The following PNN variants were observed in gnomAD, a reference collection of about 807,000 sequenced individuals.
The protein encoded by PNN is pinin.
A neutral mutation model predicts 76.6 loss-of-function variants in PNN; 38 were observed. That is an observed-to-expected ratio of 0.50 (90% CI 0.38 to 0.65). The LOEUF is 0.65. PNN is among the 30% of genes least tolerant of loss of function. The probability of loss-of-function intolerance (pLI) is 0.00; values close to 1 mark genes in which losing one functional copy is unlikely to be tolerated. For synonymous variants in PNN, 366 were observed against 283.7 expected, an observed-to-expected ratio of 1.29 and a Z score of -2.91; for missense variants, 873 against 874.1, an observed-to-expected ratio of 1.00 and a Z score of 0.02.
intron 2 of PNN, 170 bp downstream of exon 2, chr14:39,176,319 T>C: frequency 4.8e-6 from 3 of 630,720 alleles, no homozygotes; most frequent in Non-Finnish European, 8.4e-6. Context: ...CCTGAAAAAC[T>C]GGAGGTTGAA....
intron 1 of PNN, chr14:39,175,679 G>A: frequency 2.0e-6 from 1 of 487,996 alleles, no homozygotes; most frequent in Non-Finnish European, 3.6e-6. Context: ...TCTCGGCCCT[G>A]CAGGCCCGGA....
intron 1 of PNN, chr14:39,175,788 C>T (rs17108939): frequency 0.012 from 5,674 of 480,906 alleles, 269 homozygotes; most frequent in African/African-American, 0.1. Flanking sequence ...CCCCAGCTTC[C>T]TGTCCACGTG....
At position 39,175,260 on chromosome 14, in the gene PNN, A is replaced by C. The variant is rs2053209666; in HGVS notation, c.-20A>C. ...CCGGCTCGGCCTGTAAAGCAGTCTC[A>C]AGCCTGCCGCAGGGAGAAGATGGCG... is the stretch of plus-strand genomic sequence containing the variant. On this transcript the variant is annotated 5_prime_UTR_variant, in exon 1 of 9. Transcript: ENST00000216832. The C allele has an allele frequency of 2.6e-6, 4 of 1,510,164 alleles. No individual in the cohort carries two copies. Among genetic ancestry groups the C allele is most frequent in the Non-Finnish European group, 3.7e-6 (4 of 1,091,842 alleles). 93.5% of individuals were successfully genotyped at this position (1,510,164 alleles called of 1,614,324 possible). A position where few individuals can be genotyped will look rare whatever the true frequency, so the allele number is the denominator to read the frequency against.
chr14:39,177,329 T>C (rs897559856), intron 3 of PNN, 83 bp from the exon 4 acceptor site: 3 of 1,105,424 alleles, frequency 2.7e-6, no homozygotes, highest in African/African-American at 3.1e-5. Flanking sequence ...GAGGCTGCAG[T>C]GAACCGTGGT....
chr14:39,181,852 A>T lies in PNN; in HGVS notation c.2143A>T (p.Lys715Ter). 6.3e-7 allele frequency: 1 copy of T among 1,583,920 alleles called. No homozygotes were observed. The highest frequency in any genetic ancestry group is 8.5e-7 in the Non-Finnish European group (1 of 1,170,670). Residue 715 changes from lysine (K) to a stop codon, truncating the protein, a stop_gained, in exon 9 of 9, where the codon AAA becomes TAA. Coordinates refer to ENST00000216832, the MANE Select transcript of PNN (RefSeq NM_002687.4). LOFTEE classifies it high-confidence loss of function. ...ERDRKSDRKD[K>*]RR ...AGACCGAAAATCAGACAGGAAAGAC[A>T]AAAGGCGTTAATGGAAGAAGCCAGG...
intron 2 of PNN, 148 bp from the exon 3 acceptor site, chr14:39,176,379 A>G: frequency 1.5e-6 from 1 of 661,418 alleles, no homozygotes; most frequent in Non-Finnish European, 2.6e-6. Flanking sequence ...TTATAAAGTA[A>G]CACTATAAAA....
rs751478710 is a variant in PNN, at chr14:39,175,274, G to C, written c.-6G>C. 1 of 1,574,908 alleles carries C rather than the reference G, an allele frequency of 6.3e-7. No individual in the cohort carries two copies. The highest frequency in any genetic ancestry group is 8.7e-7 in the Non-Finnish European group (1 of 1,148,500). ...AAAGCAGTCTCAAGCCTGCCGCAGG[G>C]AGAAGATGGCGGTCGCCGTGAGAAC... On this transcript the variant is annotated 5_prime_UTR_variant, in exon 1 of 9. Coordinates refer to ENST00000216832, the MANE Select transcript of PNN (RefSeq NM_002687.4).
Position 39,176,160 on chromosome 14 carries a change from CT to C in PNN, c.185+14del. 1 of 1,505,232 alleles carries C rather than the reference CT, an allele frequency of 6.6e-7. No individual in the cohort carries two copies. The highest frequency in any genetic ancestry group is 9.2e-7 in the Non-Finnish European group (1 of 1,081,190). The allele number at this position is 1,505,232 out of a possible 1,614,324, so 93.2% of individuals were successfully genotyped here. Reference sequence around the variant, plus strand: ...TAGTTTATTACTGAGGTAAGATTTCCTTTGGACTTTACTCATGCTGAAACTA... The same window carrying C: ...TAGTTTATTACTGAGGTAAGATTTCCTTGGACTTTACTCATGCTGAAACTA... On this transcript the variant is annotated intron_variant, in intron 2 of 8. Coordinates refer to ENST00000216832, the MANE Select transcript of PNN (RefSeq NM_002687.4).
chr14:39,180,881 A>G lies in PNN; in HGVS notation c.1172A>G (p.Glu391Gly). 1 of 1,614,206 alleles carries G rather than the reference A, an allele frequency of 6.2e-7. No homozygotes were observed. The highest frequency in any genetic ancestry group is 8.5e-7 in the Non-Finnish European group (1 of 1,180,024). ...SQPEEVMDVL[E>G]MVENVKHVIA... Reference sequence around the variant, plus strand: ...CCTGAAGAAGTTATGGATGTGCTAGAGATGGTTGAGAATGTCAAACATGTA... The same window carrying G: ...CCTGAAGAAGTTATGGATGTGCTAGGGATGGTTGAGAATGTCAAACATGTA... Residue 391 changes from glutamate to glycine, a missense_variant, in exon 9 of 9, where the codon GAG (glutamate) becomes GGG (glycine). Glu to Gly is a moderately conservative substitution (Grantham distance 98). Coordinates refer to ENST00000216832, the MANE Select transcript of PNN (RefSeq NM_002687.4).
chr14:39,180,514 G>C lies in PNN; in HGVS notation c.805G>C (p.Gly269Arg). ...SQRKMNALFE[G>R]RRIEFAEQIN... ...TTTTTATTCTTTAGCTTTATTTGAA[G>C]GTAGACGCATCGAATTTGCAGAACA... The change falls in exon 9 of 9, where the codon GGT becomes CGT. Residue 269 changes from glycine to arginine, a missense_variant. Gly to Arg is a moderately radical substitution (Grantham distance 125). This residue lies in a region of PNN where 712 missense variants were observed against 693.1 expected (regional missense o/e 1.03). Coordinates refer to ENST00000216832, the MANE Select transcript of PNN (RefSeq NM_002687.4). The C allele has an allele frequency of 6.3e-7, 1 of 1,582,454 alleles. No individual in the cohort carries two copies. Among genetic ancestry groups the C allele is most frequent in the Middle Eastern group, 1.7e-4 (1 of 5,920 alleles).
chr14:39,177,982 T>G, intron 6 of PNN, 66 bp downstream of exon 6: 1 of 1,075,854 alleles, frequency 9.3e-7, no homozygotes, highest in Non-Finnish European at 1.4e-6. Flanking sequence ...TAATGTTTTT[T>G]TTAAAAAATC....
In PNN at chr14:39,179,133, G is replaced by A; in HGVS notation, c.541G>A (p.Ala181Thr). The part of the protein sequence containing the change: ...QEIEQKLEVQ[A>T]EEERKQVENE... ...AATTGAACAAAAACTTGAAGTTCAG[G>A]CAGAAGAAGAGAGAAAGCAGGTTGA... The change falls in exon 7 of 9, where the codon GCA (alanine) becomes ACA (threonine). Residue 181 changes from alanine to threonine, a missense_variant. Ala to Thr is a moderately conservative substitution (Grantham distance 58). This residue lies in a region of PNN where 712 missense variants were observed against 693.1 expected (regional missense o/e 1.03). Transcript: ENST00000216832. 2 of 1,613,816 alleles carry A rather than the reference G, an allele frequency of 1.2e-6. No individual in the cohort carries two copies. The highest frequency in any genetic ancestry group is 1.7e-6 in the Non-Finnish European group (2 of 1,179,952).
At position 39,177,775 on chromosome 14, in the gene PNN, T is replaced by G. The variant is rs570142086; in HGVS notation, c.423-66T>G. ...TGTTCAAGCATCCTGTAGTATTTCT[T>G]AGAAAATGATGGGTTTAAATGAAAT... On this transcript the variant is annotated intron_variant, in intron 5 of 8. Coordinates refer to ENST00000216832, the MANE Select transcript of PNN (RefSeq NM_002687.4). The G allele has an allele frequency of 9.2e-5, 135 of 1,462,026 alleles. No individual in the cohort carries two copies. In the African/African-American group the frequency reaches 1.7e-3, roughly 18 times the overall value. The allele number at this position is 1,462,026 out of a possible 1,614,324, so 90.6% of individuals were successfully genotyped here.
chr14:39,181,682 C>G lies in PNN; in HGVS notation c.1973C>G (p.Ser658Ter). 6.2e-7 allele frequency: 1 copy of G among 1,613,936 alleles called. No homozygotes were observed. The highest frequency in any genetic ancestry group is 8.5e-7 in the Non-Finnish European group (1 of 1,179,906). The change falls in exon 9 of 9, where the codon TCA becomes TGA. Residue 658 changes from serine to a stop codon, truncating the protein, a stop_gained. Transcript: ENST00000216832. LOFTEE classifies it high-confidence loss of function. ...GTGGATCGGAAGAGAAGGGATACTT[C>G]AGGACTAGAAAGAAGTCACAAATCT... is the stretch of plus-strand genomic sequence containing the variant. The part of the protein sequence containing the change: ...RSVDRKRRDT[S>*]GLERSHKSSK...
At chr14:39,180,461 C>T (rs778550586) in intron 8 of PNN, 42 bp from the exon 9 acceptor site, 2 of 1,489,212 alleles carry the variant, frequency 1.3e-6, no homozygotes, top group Admixed American at 2.5e-5. Context: ...TTTGAATTTT[C>T]TTAATCGGTA....
At chr14:39,176,944 G>A (rs573808098) in intron 3 of PNN, among the ~76,000 whole-genome samples, 1 of 152,344 alleles carries the variant, frequency 6.6e-6, no homozygotes, top group South Asian at 2.1e-4. Flanking sequence ...TTGGGCGTTA[G>A]TTCACACATT....
chr14:39,175,567 C>T (rs1037430529), intron 1 of PNN, among the ~76,000 whole-genome samples, 175 bp downstream of exon 1: 71 of 152,208 alleles, frequency 4.7e-4, no homozygotes, highest in African/African-American at 1.7e-3. Context: ...CAGGTCCCCT[C>T]CGTAGAGCGC....
At chr14:39,175,721 G>C in intron 1 of PNN, 2 of 464,200 alleles carry the variant, frequency 4.3e-6, no homozygotes, top group Non-Finnish European at 7.6e-6. Context: ...CCGCTCCGGC[G>C]GACACCCGGC....
In PNN at chr14:39,179,202, A is replaced by G; in HGVS notation, c.610A>G (p.Thr204Ala). ...GTTTGAAGAGAGGCGTGCTAAACAG[A>G]CAGAACTGCGGCTTTTGGAACAGAA... ...ELFEERRAKQ[T>A]ELRLLEQKVE... Residue 204 changes from threonine (T) to alanine (A), a missense_variant, in exon 7 of 9, where the codon ACA becomes GCA. Thr to Ala is a moderately conservative substitution (Grantham distance 58). This residue lies in a region of PNN where 712 missense variants were observed against 693.1 expected (regional missense o/e 1.03). Transcript: ENST00000216832. 1.9e-6 allele frequency: 3 copies of G among 1,613,656 alleles called. No homozygotes were observed. Among genetic ancestry groups the G allele is most frequent in the Non-Finnish European group, 1.7e-6 (2 of 1,179,948 alleles).
Sources: gnomAD v4.1 joint callset for allele counts (sites outside exome capture counted in the v4.1 genomes callset) on GRCh38, gnomAD v4.1.1 for gene constraint, gnomAD v4.1.1 regional missense constraint, MANE v1.5 for transcripts, NCBI Gene and HGNC (gene_info 2026-07-23, HGNC 2026-07-21) for gene names.